The following MBP variants were observed in gnomAD, a reference collection of about 807,000 sequenced individuals.
The protein encoded by MBP is myelin basic protein, also known as Golli-MBP.
A neutral mutation model predicts 35.8 loss-of-function variants in MBP; 16 were observed. That is an observed-to-expected ratio of 0.45 (90% CI 0.30 to 0.68). The LOEUF (loss-of-function observed/expected upper bound fraction) is 0.68, where lower values mean the gene tolerates loss of function less well. Ranked by LOEUF, MBP falls within the 30% of genes least tolerant of loss-of-function variation. The pLI, the probability that MBP is intolerant of heterozygous loss-of-function variation, is 0.08. For missense variants in MBP, 380 were observed against 404.7 expected (o/e 0.94, Z 0.52); for synonymous variants, 143 against 159.6 (o/e 0.90, Z 0.78).
chr18:76,982,505 G>A (rs1969266263), intron 8 of MBP: 1 of 152,242 alleles, frequency 6.6e-6, no homozygotes, highest in South Asian at 2.1e-4. Context: ...CATGGAAACA[G>A]GATGCTCCTA....
intron 1 of MBP, among the ~76,000 whole-genome samples, chr18:77,117,658 G>C (rs35305608): frequency 4.7e-5 from 7 of 150,534 alleles, no homozygotes; most frequent in Non-Finnish European, 8.9e-5. Context: ...CTGTGGATGG[G>C]TTATTTCCTA....
At chr18:77,083,811 C>T (rs1395169844) in intron 2 of MBP, among the ~76,000 whole-genome samples, 1 of 152,120 alleles carries the variant, frequency 6.6e-6, no homozygotes, top group Non-Finnish European at 1.5e-5. Flanking sequence ...ACCCTACAGA[C>T]AAGAAGTGAG....
At chr18:77,062,952 T>C (rs573757905) in intron 3 of MBP, among the ~76,000 whole-genome samples, 1 of 152,288 alleles carries the variant, frequency 6.6e-6, no homozygotes, top group South Asian at 2.1e-4. Context: ...ATTCTTCTGA[T>C]GCGTGGATGA....
intron 3 of MBP, among the ~76,000 whole-genome samples, chr18:77,031,199 C>A (rs576869495): frequency 6.6e-6 from 1 of 152,340 alleles, no homozygotes; most frequent in Non-Finnish European, 1.5e-5. Flanking sequence ...CCTCAAGTGG[C>A]CTTTCTAAAT....
chr18:76,980,017 C>G lies in MBP; in HGVS notation c.*410G>C, dbSNP rs894957720. On this transcript the variant is annotated 3_prime_UTR_variant, in exon 9 of 9. Transcript: ENST00000355994. ...CAGTCCTCTCTGCCGCCCACGTCCT[C>G]TCTGTCTCTGCAGCTGTGTGCCTCC... The G allele has an allele frequency of 5.7e-6, 4 of 702,408 alleles. No homozygotes were observed. Among genetic ancestry groups the G allele is most frequent in the East Asian group, 5.4e-5 (2 of 37,288 alleles). 43.5% of individuals were successfully genotyped at this position (702,408 alleles called of 1,614,324 possible). A position where few individuals can be genotyped will look rare whatever the true frequency, so the allele number is the denominator to read the frequency against.
intron 3 of MBP, among the ~76,000 whole-genome samples, chr18:77,062,678 G>T (rs917643694): frequency 9.2e-5 from 14 of 152,190 alleles, no homozygotes; most frequent in Non-Finnish European, 1.8e-4. Context: ...TCACAGAGAC[G>T]AGGAGGAAGG....
intron 4 of MBP, chr18:77,009,767 GC>G (rs1335732822): frequency 6.3e-6 from 8 of 1,275,238 alleles, no homozygotes; most frequent in South Asian, 1.3e-5. Context: ...GACACTACCT[GC>G]CCCGAGGGAC....
At position 76,980,064 on chromosome 18, in the gene MBP, G is replaced by A. The variant is rs1471049518; in HGVS notation, c.*363C>T. The A allele has an allele frequency of 7.1e-6, 5 of 700,922 alleles. No homozygotes were observed. Among genetic ancestry groups the A allele is most frequent in the Middle Eastern group, 2.4e-4 (1 of 4,104 alleles). The allele number at this position is 700,922 out of a possible 1,614,324, so 43.4% of individuals were successfully genotyped here. On this transcript the variant is annotated 3_prime_UTR_variant, in exon 9 of 9. Transcript: ENST00000355994. ...CTCCATGGCAGTGACCAGCAAAAGCGCAAGGGTGCCGCAGCCACGGCGAAA... is the reference window on the plus strand; with the variant it reads ...CTCCATGGCAGTGACCAGCAAAAGCACAAGGGTGCCGCAGCCACGGCGAAA...
intron 2 of MBP, among the ~76,000 whole-genome samples, chr18:77,073,550 T>C (rs1360747837): frequency 6.6e-6 from 1 of 152,236 alleles, no homozygotes; most frequent in African/African-American, 2.4e-5. Context: ...CTAGGAAACC[T>C]GAATCCTTTA....
intron 3 of MBP, among the ~76,000 whole-genome samples, chr18:77,018,612 T>TCATCCATCCATCCATCCATC (rs58567064): frequency 1.5e-4 from 17 of 110,970 alleles, no homozygotes; most frequent in African/African-American, 5.4e-4. Flanking sequence ...ATCTATCCAC[T>TCATCCATCCATCCATCCATC]CATCCATCCA....
intron 3 of MBP, among the ~76,000 whole-genome samples, chr18:77,055,184 G>A (rs1973672999): frequency 6.6e-6 from 1 of 152,238 alleles, no homozygotes; most frequent in Non-Finnish European, 1.5e-5. Flanking sequence ...AGAGAAAACA[G>A]CAGGCGGCTT....
intron 3 of MBP, among the ~76,000 whole-genome samples, chr18:77,021,639 G>A (rs1412301542): frequency 6.6e-6 from 1 of 152,008 alleles, no homozygotes; most frequent in Non-Finnish European, 1.5e-5. Context: ...GCCTGCCACT[G>A]TGCCCAGCTA....
chr18:77,063,894 ATATG>A (rs1974084815), intron 3 of MBP, among the ~76,000 whole-genome samples: 1 of 107,622 alleles, frequency 9.3e-6, no homozygotes, highest in Non-Finnish European at 1.9e-5. Flanking sequence ...ATACCTATAC[ATATG>A]TGTGTGTGTG....
chr18:77,093,206 G>C (rs1285937781), intron 2 of MBP: 1 of 152,260 alleles, frequency 6.6e-6, no homozygotes, highest in Non-Finnish European at 1.5e-5. Flanking sequence ...CCGGCTCTCC[G>C]GGAGCATCAG....
At position 76,988,700 on chromosome 18, in the gene MBP, G is replaced by C. The variant is rs1447993755; in HGVS notation, c.718-173C>G. The C allele has an allele frequency of 3.7e-6, 5 of 1,355,116 alleles. No individual in the cohort carries two copies. Among genetic ancestry groups the C allele is most frequent in the Admixed American group, 2.2e-5 (1 of 45,546 alleles). 83.9% of individuals were successfully genotyped at this position (1,355,116 alleles called of 1,614,324 possible). On this transcript the variant is annotated intron_variant, in intron 6 of 8. Transcript: ENST00000355994. The surrounding 1 kb of genome is among the most constrained non-coding windows in gnomAD (Gnocchi z 5.2). ...GGCCACAGCGGCTGTGCAGGTGCGG[G>C]AGGGACAGGAGGGGTGCATGGATCT...
intron 2 of MBP, among the ~76,000 whole-genome samples, chr18:77,076,290 G>T (rs903896274): frequency 4.6e-5 from 7 of 152,214 alleles, no homozygotes; most frequent in Admixed American, 3.3e-4. Context: ...CCTTGATGAG[G>T]ACCAGCCACT....
intron 4 of MBP, chr18:77,009,910 G>T (rs149668522): frequency 6.3e-7 from 1 of 1,589,696 alleles, no homozygotes; most frequent in East Asian, 2.3e-5. Flanking sequence ...GCTCCGGCCC[G>T]GCTTTAGCCA....
At chr18:77,070,899 G>A (rs1043012205) in intron 2 of MBP, among the ~76,000 whole-genome samples, 6 of 152,310 alleles carry the variant, frequency 3.9e-5, no homozygotes, top group South Asian at 2.1e-4. Context: ...TGAGGACCCC[G>A]CTCAGGTGCT....
chr18:76,980,443 G>A lies in MBP; in HGVS notation c.899C>T (p.Pro300Leu), dbSNP rs1261226410. Residue 300 changes from proline to leucine, a missense_variant, in exon 9 of 9, where the codon CCC becomes CTC. Transcript: ENST00000355994. The part of the protein sequence containing the change: ...LGGRDSRSGS[P>L]MARR Reference sequence around the variant, plus strand: ...GGTGGGTTTTCAGCGTCTAGCCATGGGTGATCCAGAGCGACTATCTCTTCC... The same window carrying A: ...GGTGGGTTTTCAGCGTCTAGCCATGAGTGATCCAGAGCGACTATCTCTTCC... 1 of 1,613,644 alleles carries A rather than the reference G, an allele frequency of 6.2e-7. No individual in the cohort carries two copies. Among genetic ancestry groups the A allele is most frequent in the African/African-American group, 1.3e-5 (1 of 74,882 alleles).
Sources: gnomAD v4.1 joint callset for allele counts (sites outside exome capture counted in the v4.1 genomes callset) on GRCh38, gnomAD v4.1.1 for gene constraint, Gnocchi (gnomAD v3.1) non-coding constraint, MANE v1.5 for transcripts, NCBI Gene and HGNC (gene_info 2026-07-23, HGNC 2026-07-21) for gene names.